SLC2A14: variants seen among roughly 807,000 people sequenced by gnomAD.
The protein encoded by SLC2A14 is solute carrier family 2, facilitated glucose transporter member 14.
In SLC2A14, 13 loss-of-function variants were observed where a neutral mutation model predicts 43.0. The ratio of observed to expected loss-of-function variants is 0.30; its 90% confidence interval spans 0.20 to 0.48. SLC2A14 has a LOEUF of 0.48. Ranked by LOEUF, SLC2A14 falls within the 20% of genes least tolerant of loss-of-function variation. The pLI, the probability that SLC2A14 is intolerant of heterozygous loss-of-function variation, is 0.99. For synonymous variants in SLC2A14, 190 were observed against 233.8 expected (o/e 0.81, Z 1.71); for missense variants, 428 against 620.4 (o/e 0.69, Z 3.29).
At chr12:7,888,337 C>G (rs1351065687) in intron 1 of SLC2A14, among the ~76,000 whole-genome samples, 1 of 152,100 alleles carries the variant, frequency 6.6e-6, no homozygotes, top group Non-Finnish European at 1.5e-5. Flanking sequence ...TTTTAAAAAG[C>G]ATAATCATTT....
At position 7,814,173 on chromosome 12, in the gene SLC2A14, G is replaced by T. The variant is rs776007326; in HGVS notation, c.*143C>A. 6.8e-7 allele frequency: 1 copy of T among 1,464,144 alleles called. No homozygotes were observed. Among genetic ancestry groups the T allele is most frequent in the African/African-American group, 1.4e-5 (1 of 71,274 alleles). 90.7% of individuals were successfully genotyped at this position (1,464,144 alleles called of 1,614,324 possible). ...AAGATCCAACAAACTGCAGCCTTGG[G>T]GTGCTCATGGAGTGCGTGGGATGAG... On this transcript the variant is annotated 3_prime_UTR_variant, in exon 11 of 11. Transcript: ENST00000431042.
chr12:7,835,611 G>A (rs1232232491), intron 2 of SLC2A14, among the ~76,000 whole-genome samples: 1 of 152,168 alleles, frequency 6.6e-6, no homozygotes, highest in Non-Finnish European at 1.5e-5. Flanking sequence ...TTTGTGGGAT[G>A]GGTGCTTGCT....
At chr12:7,885,440 G>C (rs1039272422) in intron 1 of SLC2A14, among the ~76,000 whole-genome samples, 6 of 152,054 alleles carry the variant, frequency 3.9e-5, no homozygotes, top group African/African-American at 1.4e-4. Context: ...ACTCCAGCCT[G>C]GGCAACAAGA....
chr12:7,850,400 A>G (rs181741508), intron 2 of SLC2A14, among the ~76,000 whole-genome samples: 7 of 151,950 alleles, frequency 4.6e-5, no homozygotes, highest in African/African-American at 9.7e-5. Context: ...TTTATTTATT[A>G]TTATTATTTT....
At chr12:7,883,319 G>A (rs1428968776) in intron 1 of SLC2A14, among the ~76,000 whole-genome samples, 1 of 144,030 alleles carries the variant, frequency 6.9e-6, no homozygotes, top group East Asian at 2.1e-4. Context: ...CCAGGGTGGA[G>A]TGCAGGGGCG....
chr12:7,829,710 C>T (rs1864834405), intron 5 of SLC2A14, 56 bp downstream of exon 5: 1 of 1,598,404 alleles, frequency 6.3e-7, no homozygotes, highest in East Asian at 2.2e-5. Flanking sequence ...CCTATGTTAA[C>T]TTTTTTAATG....
At chr12:7,830,460 T>C (rs891099439) in intron 4 of SLC2A14, among the ~76,000 whole-genome samples, 9 of 152,116 alleles carry the variant, frequency 5.9e-5, no homozygotes, top group African/African-American at 2.2e-4. Flanking sequence ...CCTTTTTTAC[T>C]TTCTATTATC....
At chr12:7,878,676 A>G (rs1945506153) in intron 1 of SLC2A14, among the ~76,000 whole-genome samples, 1 of 152,088 alleles carries the variant, frequency 6.6e-6, no homozygotes, top group Non-Finnish European at 1.5e-5. Flanking sequence ...AAGTAAAATG[A>G]ATGTATTAAT....
In SLC2A14 at chr12:7,882,268, G is replaced by T. The variant is rs774292208; in HGVS notation, c.132+8728C>A. Among the ~76,000 whole-genome samples the T allele has an allele frequency of 8.1e-5, 12 of 147,442 alleles. No homozygotes were observed. In the East Asian group the frequency reaches 1.2e-3, roughly 14 times the overall value. Reference sequence around the variant, plus strand: ...CCAGACGGGTTGCCTTAAGAGAGCTGTAACACTCACCGTGAAGGTCTGCAG... The same window carrying T: ...CCAGACGGGTTGCCTTAAGAGAGCTTTAACACTCACCGTGAAGGTCTGCAG... On this transcript the variant is annotated intron_variant, in intron 1 of 9. Coordinates refer to the SLC2A14 transcript ENST00000539924.
chr12:7,890,964 C>A, intron 1 of SLC2A14: 1 of 1,521,630 alleles, frequency 6.6e-7, no homozygotes, highest in Non-Finnish European at 8.8e-7. Flanking sequence ...GGACTACCTG[C>A]CTTGAAGCAT....
chr12:7,829,762 G>T lies in SLC2A14; in HGVS notation c.513+4C>A. 1 of 1,614,100 alleles carries T rather than the reference G, an allele frequency of 6.2e-7. No individual in the cohort carries two copies. Among genetic ancestry groups the T allele is most frequent in the Non-Finnish European group, 8.5e-7 (1 of 1,180,016 alleles). Reference sequence around the variant, plus strand: ...CTCATTAAGTATGAGAAGTTCTAGAGTACCTGGGCCACCAGAATTCCAATA... The same window carrying T: ...CTCATTAAGTATGAGAAGTTCTAGATTACCTGGGCCACCAGAATTCCAATA... On this transcript the variant is annotated splice_donor_region_variant and intron_variant, in intron 5 of 10. Transcript: ENST00000431042.
chr12:7,833,115 G>C (rs968090067), intron 2 of SLC2A14, among the ~76,000 whole-genome samples: 2 of 152,184 alleles, frequency 1.3e-5, no homozygotes, highest in African/African-American at 4.8e-5. Context: ...ACCTGCATCA[G>C]GTGAAGGTAG....
chr12:7,826,993 T>TC (rs1864511278), intron 7 of SLC2A14, among the ~76,000 whole-genome samples: 1 of 143,098 alleles, frequency 7.0e-6, no homozygotes, highest in Non-Finnish European at 1.5e-5. Context: ...CCTTTCTCTC[T>TC]TTCTCTCCTT....
At chr12:7,868,887 G>A (rs1297429848) in intron 2 of SLC2A14, among the ~76,000 whole-genome samples, 5 of 152,108 alleles carry the variant, frequency 3.3e-5, no homozygotes, top group Non-Finnish European at 5.9e-5. Flanking sequence ...GCTCAAGCCT[G>A]TAATCCCAGC....
intron 1 of SLC2A14, among the ~76,000 whole-genome samples, chr12:7,883,420 C>G (rs1223454143): frequency 8.6e-5 from 13 of 150,654 alleles, no homozygotes; most frequent in Admixed American, 2.0e-4. Flanking sequence ...GCGCCCGCCA[C>G]CATGCATGGC....
intron 1 of SLC2A14, among the ~76,000 whole-genome samples, chr12:7,883,124 G>A (rs1406245695): frequency 2.0e-5 from 3 of 151,902 alleles, no homozygotes; most frequent in East Asian, 3.9e-4. Flanking sequence ...TGGGAGAATC[G>A]CTGGAACCCA....
At chr12:7,830,476 G>A (rs997730910) in intron 4 of SLC2A14, among the ~76,000 whole-genome samples, 7 of 151,980 alleles carry the variant, frequency 4.6e-5, no homozygotes, top group African/African-American at 1.7e-4. Context: ...TTATCAGAAC[G>A]TTTCTAGTTG....
chr12:7,882,225 C>T (rs139726867), intron 1 of SLC2A14, among the ~76,000 whole-genome samples: 3 of 151,966 alleles, frequency 2.0e-5, no homozygotes, highest in East Asian at 1.9e-4. Context: ...AGAAGCCCAC[C>T]GGGAGAAACG....
intron 1 of SLC2A14, chr12:7,870,994 T>C: frequency 7.0e-7 from 1 of 1,437,498 alleles, no homozygotes; most frequent in Non-Finnish European, 9.4e-7. Flanking sequence ...AGAACCATGA[T>C]GGCTTCAATG....
Sources: allele counts gnomAD v4.1 joint callset (sites outside exome capture counted in the v4.1 genomes callset), GRCh38; gene constraint gnomAD v4.1.1; transcripts MANE v1.5; gene names NCBI Gene and HGNC (gene_info 2026-07-23, HGNC 2026-07-21).